PRCP: variants seen among roughly 807,000 people sequenced by gnomAD.
PRCP encodes the protein lysosomal Pro-X carboxypeptidase.
Under a neutral mutation model 54.2 loss-of-function variants are expected in PRCP, and 46 were observed. The observed-to-expected ratio is 0.85, with a 90% CI of 0.67 to 1.09. PRCP has a LOEUF of 1.09. Ranked by LOEUF, PRCP falls within the 50% of genes least tolerant of loss-of-function variation. PRCP has a pLI of 0.00. For synonymous variants in PRCP, 240 were observed against 212.2 expected (o/e 1.13, Z -1.14); for missense variants, 613 against 596.8 (o/e 1.03, Z -0.28).
intron 1 of PRCP, among the ~76,000 whole-genome samples, chr11:82,863,144 A>C (rs965920942): frequency 6.6e-6 from 1 of 152,222 alleles, no homozygotes. Flanking sequence ...ATCAGAAACC[A>C]TGAGGGTAAA....
Position 82,824,289 on chromosome 11 carries a change from CA to C in PRCP, c.*616del. 1 of 152,562 alleles carries C rather than the reference CA, an allele frequency of 6.6e-6. No homozygotes were observed. 9.5% of individuals were successfully genotyped at this position (152,562 alleles called of 1,614,324 possible). ...GAAGAGAAAAAATTAAAGGACTTTC[CA>C]AAAACAGCTAAGCCCAGTGCACACA... On this transcript the variant is annotated 3_prime_UTR_variant, in exon 9 of 9. Transcript: ENST00000313010.
At chr11:82,836,140 C>CAGAGA (rs974487113) in intron 8 of PRCP, 1 of 149,794 alleles carries the variant, frequency 6.7e-6, no homozygotes, top group Non-Finnish European at 1.4e-5. Context: ...TTGCAGTGAG[C>CAGAGA]AGAGATTGTG....
intron 3 of PRCP, among the ~76,000 whole-genome samples, chr11:82,852,337 A>C (rs1858977695): frequency 6.6e-6 from 1 of 152,194 alleles, no homozygotes; most frequent in Admixed American, 6.5e-5. Context: ...AACTCCTTTC[A>C]AAATAGGCAG....
chr11:82,877,055 G>C (rs374608190), intron 1 of PRCP, among the ~76,000 whole-genome samples: 1 of 152,304 alleles, frequency 6.6e-6, no homozygotes, highest in Admixed American at 6.5e-5. Flanking sequence ...AACTTGTTGG[G>C]AACTGAAACA....
At chr11:82,866,322 A>T (rs1368526875) in intron 1 of PRCP, among the ~76,000 whole-genome samples, 1 of 152,216 alleles carries the variant, frequency 6.6e-6, no homozygotes, top group East Asian at 1.9e-4. Flanking sequence ...TGCTCTCGTC[A>T]TTGCCAACCT....
chr11:82,881,717 TG>T (rs1347822955), intron 1 of PRCP, among the ~76,000 whole-genome samples: 1 of 152,178 alleles, frequency 6.6e-6, no homozygotes, highest in Non-Finnish European at 1.5e-5. Flanking sequence ...AATGTCTTGG[TG>T]ATTGACTGGA....
chr11:82,855,755 C>T (rs1218130384), intron 2 of PRCP, among the ~76,000 whole-genome samples: 3 of 152,074 alleles, frequency 2.0e-5, no homozygotes, highest in Non-Finnish European at 4.4e-5. Context: ...AACAAAGGCT[C>T]AACATCATTA....
intron 1 of PRCP, among the ~76,000 whole-genome samples, chr11:82,878,500 G>A (rs943701706): frequency 2.6e-5 from 4 of 152,208 alleles, no homozygotes; most frequent in Non-Finnish European, 5.9e-5. Flanking sequence ...TCGTTCCCAT[G>A]CTATTCTCAT....
chr11:82,861,117 G>T (rs78997702), intron 1 of PRCP, among the ~76,000 whole-genome samples: 17,666 of 152,070 alleles, frequency 0.12, 1,968 homozygotes, highest in African/African-American at 0.29. Context: ...AAAGGAAAAG[G>T]TTCATTTGCC....
At chr11:82,894,375 G>A (rs1860072685) in intron 1 of PRCP, among the ~76,000 whole-genome samples, 1 of 152,168 alleles carries the variant, frequency 6.6e-6, no homozygotes, top group Non-Finnish European at 1.5e-5. Context: ...AGATAGTAAA[G>A]TTGTTTAGGT....
rs186774668 is a variant in PRCP, at chr11:82,897,390, T to G, written c.168+2845A>C. ...TGCATTCACTCTTTCAACAACTATTTATTTTGTGCTTTATACTTTTTTATA... is the reference window on the plus strand; with the variant it reads ...TGCATTCACTCTTTCAACAACTATTGATTTTGTGCTTTATACTTTTTTATA... On this transcript the variant is annotated intron_variant, in intron 1 of 8. Transcript: ENST00000313010. Among the ~76,000 whole-genome samples, 11 of 152,386 alleles carry G rather than the reference T, an allele frequency of 7.2e-5. No homozygotes were observed. In the East Asian group the frequency reaches 1.2e-3, roughly 16 times the overall value.
At chr11:82,870,197 G>T (rs769251297) in intron 1 of PRCP, among the ~76,000 whole-genome samples, 13 of 152,228 alleles carry the variant, frequency 8.5e-5, no homozygotes, top group Non-Finnish European at 1.0e-4. Flanking sequence ...CAACATAGCA[G>T]CTCGTTCAGC....
intron 1 of PRCP, among the ~76,000 whole-genome samples, chr11:82,879,832 C>T (rs548403492): frequency 7.6e-4 from 116 of 152,318 alleles, no homozygotes; most frequent in African/African-American, 2.6e-3. Context: ...GTATCACCAG[C>T]GGAGGCTGCA....
intron 1 of PRCP, among the ~76,000 whole-genome samples, chr11:82,882,491 G>C (rs1859770188): frequency 3.5e-5 from 5 of 142,082 alleles, no homozygotes; most frequent in African/African-American, 1.4e-4. Flanking sequence ...TACTGAGCCA[G>C]TTCTTTTTTT....
intron 1 of PRCP, among the ~76,000 whole-genome samples, chr11:82,884,339 C>G (rs1247029752): frequency 6.6e-6 from 1 of 152,146 alleles, no homozygotes; most frequent in Non-Finnish European, 1.5e-5. Flanking sequence ...AGGAGGATCA[C>G]TTGAGCCCAG....
chr11:82,855,856 G>C (rs1859070517), intron 2 of PRCP, among the ~76,000 whole-genome samples: 1 of 152,150 alleles, frequency 6.6e-6, no homozygotes, highest in African/African-American at 2.4e-5. Context: ...AAAAATAACA[G>C]ATGTTGGTGA....
At chr11:82,850,638 A>C in intron 3 of PRCP, 133 bp from the exon 4 acceptor site, 1 of 579,588 alleles carries the variant, frequency 1.7e-6, no homozygotes, top group Non-Finnish European at 2.6e-6. Flanking sequence ...TTGAGCTAAA[A>C]TGCCTAGTCA....
chr11:82,864,908 G>A (rs998361017), intron 1 of PRCP, among the ~76,000 whole-genome samples: 1 of 151,958 alleles, frequency 6.6e-6, no homozygotes, highest in Non-Finnish European at 1.5e-5. Context: ...AATAAAGTTC[G>A]CATCCAGAAA....
intron 1 of PRCP, among the ~76,000 whole-genome samples, chr11:82,899,337 C>T (rs1389002299): frequency 6.6e-6 from 1 of 152,210 alleles, no homozygotes; most frequent in Non-Finnish European, 1.5e-5. Context: ...AGGAACTAGG[C>T]TCACAGAAGT....
Sources: allele counts gnomAD v4.1 joint callset (sites outside exome capture counted in the v4.1 genomes callset), GRCh38; gene constraint gnomAD v4.1.1; transcripts MANE v1.5; gene names NCBI Gene and HGNC (gene_info 2026-07-23, HGNC 2026-07-21).